Variants in TPO observed in about 807,000 individuals in gnomAD.
TPO encodes the protein thyroid peroxidase.
Under a neutral mutation model 96.9 loss-of-function variants are expected in TPO, and 78 were observed. The observed-to-expected ratio is 0.81, with a 90% confidence interval of 0.67 to 0.97. TPO has a LOEUF of 0.97. TPO is among the 50% of genes least tolerant of loss of function. The probability of loss-of-function intolerance (pLI) is 0.00; values close to 1 mark genes in which losing one functional copy is unlikely to be tolerated. For missense variants in TPO, 1,252 were observed against 1,274.8 expected, an observed-to-expected ratio of 0.98 and a Z score of 0.27; for synonymous variants, 547 against 538.0, an observed-to-expected ratio of 1.02 and a Z score of -0.23.
In TPO at chr2:1,440,422, C is replaced by T. The variant is rs114986775; in HGVS notation, c.482+4038C>T. ...TTGGTATTTTCCTAATTGCCTAGGA[C>T]GTATCACATAAAATTACTTAACAAG... On this transcript the variant is annotated intron_variant, in intron 5 of 16. Coordinates refer to ENST00000329066, the MANE Select transcript of TPO (RefSeq NM_001206744.2). 9.6e-3 allele frequency among the ~76,000 whole-genome samples: 1,463 copies of T among 152,250 alleles called. 17 individuals are homozygous for T. The highest frequency in any genetic ancestry group is 0.012 in the South Asian group (58 of 4,832).
chr2:1,487,718 G>A, intron 9 of TPO, 103 bp from the exon 10 acceptor site: 2 of 1,472,444 alleles, frequency 1.4e-6, no homozygotes, highest in Non-Finnish European at 1.8e-6. Context: ...CTGGGCAACA[G>A]AAAGAATGAG....
intron 7 of TPO, among the ~76,000 whole-genome samples, chr2:1,458,017 G>A (rs932030661): frequency 6.7e-6 from 1 of 150,368 alleles, no homozygotes; most frequent in African/African-American, 2.5e-5. Context: ...ATAAGATAGT[G>A]TGTGGGCACG....
At chr2:1,509,321 C>A (rs113703293) in intron 14 of TPO, among the ~76,000 whole-genome samples, 1 of 152,110 alleles carries the variant, frequency 6.6e-6, no homozygotes, top group Non-Finnish European at 1.5e-5. Context: ...CAGGCACACC[C>A]GCCCTCTTCT....
intron 11 of TPO, among the ~76,000 whole-genome samples, chr2:1,495,089 A>G (rs754470983): frequency 8.0e-4 from 122 of 152,204 alleles, no homozygotes; most frequent in Non-Finnish European, 1.6e-3. Flanking sequence ...GTTTTATGCC[A>G]CCTGTGGCTG....
At chr2:1,532,311 T>C (rs1485964694) in intron 15 of TPO, among the ~76,000 whole-genome samples, 1 of 29,534 alleles carries the variant, frequency 3.4e-5, no homozygotes, top group Admixed American at 5.6e-4. Flanking sequence ...CCCACAAAAC[T>C]CCCACTGTGC....
rs1440052079 is a variant in TPO, at chr2:1,509,384, G to C, written c.2518+5305G>C. ...GGGCACAGGATACCCTCTTCTTTCA[G>C]GGACAGCACAGCCTCTTGTTTCAGG... On this transcript the variant is annotated intron_variant, in intron 14 of 16. Coordinates refer to ENST00000329066, the MANE Select transcript of TPO (RefSeq NM_001206744.2). Among the ~76,000 whole-genome samples, 3 of 151,866 alleles carry C rather than the reference G, an allele frequency of 2.0e-5. No individual in the cohort carries two copies. In the East Asian group the frequency reaches 5.8e-4, roughly 29 times the overall value.
chr2:1,453,574 C>A (rs1343185461), intron 5 of TPO, 120 bp from the exon 6 acceptor site: 2 of 1,513,608 alleles, frequency 1.3e-6, no homozygotes, highest in Admixed American at 1.7e-5. Flanking sequence ...GAGCTGTGCC[C>A]CTTGGGCCTC....
intron 5 of TPO, among the ~76,000 whole-genome samples, chr2:1,446,630 C>G (rs1447993079): frequency 1.3e-5 from 2 of 152,090 alleles, no homozygotes; most frequent in Admixed American, 6.5e-5. Context: ...AACATTTTTC[C>G]CATTTTTTAA....
upstream of TPO, among the ~76,000 whole-genome samples, chr2:1,410,240 T>C (rs1019850937): frequency 6.6e-6 from 1 of 152,156 alleles, no homozygotes; most frequent in African/African-American, 2.4e-5. Context: ...AACATAAATA[T>C]GTATAATTTG....
chr2:1,531,475 C>T lies in TPO; in HGVS notation c.2619-9119C>T, dbSNP rs1485694515. 4.8e-4 allele frequency among the ~76,000 whole-genome samples: 34 copies of T among 70,976 alleles called. 2 individuals are homozygous for T. The highest frequency in any genetic ancestry group is 7.2e-4 in the Non-Finnish European group (29 of 40,336). The allele number at this position is 70,976 out of a possible 152,430, so 46.6% of individuals were successfully genotyped here. Reference sequence around the variant, plus strand: ...ATCCCTCCCACTGTGTGCAGCCTCCCCAAATCCTCCCGACTCTGTGCAACC... The same window carrying T: ...ATCCCTCCCACTGTGTGCAGCCTCCTCAAATCCTCCCGACTCTGTGCAACC... On this transcript the variant is annotated intron_variant, in intron 15 of 16. Coordinates refer to ENST00000329066, the MANE Select transcript of TPO (RefSeq NM_001206744.2).
intron 8 of TPO, 84 bp from the exon 9 acceptor site, chr2:1,484,512 G>A: frequency 6.3e-7 from 1 of 1,582,744 alleles, no homozygotes; most frequent in Non-Finnish European, 8.7e-7. Flanking sequence ...GGCTGTCAAG[G>A]AAGATGCTCT....
At chr2:1,489,956 A>T (rs575983818) in intron 10 of TPO, among the ~76,000 whole-genome samples, 4 of 117,222 alleles carry the variant, frequency 3.4e-5, no homozygotes, top group African/African-American at 1.2e-4. Flanking sequence ...GAGCAGTGTA[A>T]GAGCCGCCAC....
At chr2:1,415,334 G>C (rs571518871) in intron 2 of TPO, among the ~76,000 whole-genome samples, 33 of 136,374 alleles carry the variant, frequency 2.4e-4, no homozygotes, top group African/African-American at 8.1e-4. Flanking sequence ...ACACAGTCCC[G>C]GGGCCCCTGG....
chr2:1,405,741 C>T (rs1662241310), intron 1 of TPO, among the ~76,000 whole-genome samples: 1 of 151,738 alleles, frequency 6.6e-6, no homozygotes, highest in South Asian at 2.1e-4. Context: ...ATAACTTTTA[C>T]AAAGTTAGGA....
At chr2:1,488,017 C>A in intron 10 of TPO, 26 bp downstream of exon 10, 2 of 1,611,910 alleles carry the variant, frequency 1.2e-6, no homozygotes, top group Non-Finnish European at 1.7e-6. Context: ...CCCTTGCACA[C>A]CTCATGCAGC....
intron 2 of TPO, among the ~76,000 whole-genome samples, chr2:1,415,545 CG>C: frequency 6.8e-6 from 1 of 146,890 alleles, no homozygotes; most frequent in Non-Finnish European, 1.5e-5. Flanking sequence ...GACACCTTGC[CG>C]GGCAGGTCCC....
At chr2:1,383,932 A>G (rs1349944001) in intron 1 of TPO, among the ~76,000 whole-genome samples, 2 of 152,222 alleles carry the variant, frequency 1.3e-5, no homozygotes, top group Admixed American at 1.3e-4. Flanking sequence ...AGCTTTCTAC[A>G]TATGGCTAGC....
intron 15 of TPO, among the ~76,000 whole-genome samples, chr2:1,539,521 T>G (rs10194040): frequency 0.17 from 26,084 of 152,042 alleles, 2,344 homozygotes; most frequent in African/African-American, 0.19. Context: ...CCCTCCCCAC[T>G]GACAGGAGGG....
chr2:1,481,829 C>G (rs1165681334), intron 8 of TPO, among the ~76,000 whole-genome samples: 1 of 152,180 alleles, frequency 6.6e-6, no homozygotes, highest in Non-Finnish European at 1.5e-5. Context: ...CTGACAAAGT[C>G]TCCTGGTCGT....
Sources: allele counts gnomAD v4.1 joint callset (sites outside exome capture counted in the v4.1 genomes callset), GRCh38; gene constraint gnomAD v4.1.1; transcripts MANE v1.5; gene names NCBI Gene and HGNC (gene_info 2026-07-23, HGNC 2026-07-21).